The following WDPCP variants were observed in gnomAD, a reference collection of about 807,000 sequenced individuals.
WDPCP encodes the protein WD repeat containing planar cell polarity effector.
WDPCP carries 71 observed loss-of-function variants against 93.1 expected under a neutral mutation model. The ratio of observed to expected loss-of-function variants is 0.76; its 90% CI spans 0.63 to 0.93. The LOEUF (loss-of-function observed/expected upper bound fraction) is 0.93, where lower values mean the gene tolerates loss of function less well. Among genes scored for constraint, WDPCP ranks in the 40% least tolerant of loss-of-function variants. The probability of loss-of-function intolerance (pLI) is 0.00; values close to 1 mark genes in which losing one functional copy is unlikely to be tolerated. For synonymous variants in WDPCP, 315 were observed against 315.0 expected, an observed-to-expected ratio of 1.00 and a Z score of 0.00; for missense variants, 844 against 887.4, an observed-to-expected ratio of 0.95 and a Z score of 0.62.
chr2:63,563,658 T>C (rs1706802336), intron 1 of WDPCP, among the ~76,000 whole-genome samples: 1 of 152,046 alleles, frequency 6.6e-6, no homozygotes, highest in African/African-American at 2.4e-5. Flanking sequence ...TCCCTTAAGA[T>C]AGGTTCTTAG....
At chr2:63,271,168 A>T (rs1682604263) in intron 13 of WDPCP, among the ~76,000 whole-genome samples, 1 of 152,228 alleles carries the variant, frequency 6.6e-6, no homozygotes, top group Admixed American at 6.5e-5. Flanking sequence ...CCAGAACCAA[A>T]GTGTGTGCTC....
At chr2:63,705,052 T>C (rs1669127084) in intron 2 of WDPCP, among the ~76,000 whole-genome samples, 1 of 152,238 alleles carries the variant, frequency 6.6e-6, no homozygotes, top group Non-Finnish European at 1.5e-5. Context: ...GAGGAATTTA[T>C]CCATTTCTTC....
At chr2:63,801,743 CT>C (rs1307434724) in intron 2 of WDPCP, among the ~76,000 whole-genome samples, 1 of 152,166 alleles carries the variant, frequency 6.6e-6, no homozygotes, top group Non-Finnish European at 1.5e-5. Flanking sequence ...TACAATCCTC[CT>C]GCAAGACAGG....
intron 17 of WDPCP, among the ~76,000 whole-genome samples, chr2:63,122,965 A>G (rs1005808179): frequency 2.6e-5 from 4 of 152,038 alleles, no homozygotes; most frequent in African/African-American, 7.2e-5. Flanking sequence ...TCACATATCA[A>G]AGGAAACAGA....
chr2:63,136,119 G>A (rs1445361470), intron 17 of WDPCP, among the ~76,000 whole-genome samples: 1 of 152,064 alleles, frequency 6.6e-6, no homozygotes, highest in Non-Finnish European at 1.5e-5. Context: ...AGTACCAAAG[G>A]TTTAGTAAAC....
chr2:63,276,308 T>C (rs538582601), intron 13 of WDPCP, among the ~76,000 whole-genome samples: 1 of 152,218 alleles, frequency 6.6e-6, no homozygotes, highest in African/African-American at 2.4e-5. Flanking sequence ...GGTAATATGA[T>C]AAAACAAGGT....
chr2:63,566,869 AATTTG>A (rs1707103714), intron 1 of WDPCP, among the ~76,000 whole-genome samples: 1 of 152,198 alleles, frequency 6.6e-6, no homozygotes, highest in South Asian at 2.1e-4. Flanking sequence ...CAGGTTCTGT[AATTTG>A]CTAGAATGGC....
chr2:63,472,638 G>A (rs1699761372), intron 6 of WDPCP, among the ~76,000 whole-genome samples: 2 of 151,872 alleles, frequency 1.3e-5, no homozygotes, highest in South Asian at 4.2e-4. Context: ...TCCCAGGCTG[G>A]AGTACAGTAG....
chr2:63,342,031 G>A (rs1688878779), intron 12 of WDPCP, among the ~76,000 whole-genome samples: 1 of 152,114 alleles, frequency 6.6e-6, no homozygotes, highest in South Asian at 2.1e-4. Context: ...GGTGGGGAGG[G>A]GGTGATAGTT....
intron 2 of WDPCP, among the ~76,000 whole-genome samples, chr2:63,704,015 T>C (rs184552166): frequency 0.017 from 2,551 of 152,236 alleles, 21 homozygotes; most frequent in African/African-American, 0.018. Context: ...AGGTCCTTCA[T>C]GTCCCTTGTA....
chr2:63,743,088 A>G (rs1669747811), intron 2 of WDPCP, among the ~76,000 whole-genome samples: 1 of 151,968 alleles, frequency 6.6e-6, no homozygotes, highest in South Asian at 2.1e-4. Flanking sequence ...CAAGGCTTGG[A>G]GGGATTGATG....
intron 14 of WDPCP, among the ~76,000 whole-genome samples, chr2:63,196,708 A>G (rs1379672040): frequency 6.6e-6 from 1 of 152,218 alleles, no homozygotes; most frequent in African/African-American, 2.4e-5. Context: ...CATTGAGAAG[A>G]AAGGATATCT....
intron 1 of WDPCP, among the ~76,000 whole-genome samples, chr2:63,528,717 C>T (rs564547135): frequency 8.5e-5 from 13 of 152,146 alleles, no homozygotes; most frequent in East Asian, 5.8e-4. Flanking sequence ...TGGTTACATA[C>T]GAACTTTAAA....
chr2:63,581,938 G>A (rs752974392), intron 1 of WDPCP, among the ~76,000 whole-genome samples: 1 of 151,550 alleles, frequency 6.6e-6, no homozygotes, highest in Non-Finnish European at 1.5e-5. Flanking sequence ...AGCCTAGGAG[G>A]TTGAGGCTGC....
At chr2:63,605,059 G>C (rs934347116) in intron 3 of WDPCP, among the ~76,000 whole-genome samples, 22 of 152,190 alleles carry the variant, frequency 1.4e-4, no homozygotes, top group African/African-American at 5.1e-4. Context: ...TTTATACCAA[G>C]ATCCATGTCT....
chr2:63,675,025 G>C (rs1710388147), intron 2 of WDPCP, among the ~76,000 whole-genome samples: 1 of 152,150 alleles, frequency 6.6e-6, no homozygotes, highest in South Asian at 2.1e-4. Context: ...GTCTACATGA[G>C]AGTATAACTG....
chr2:63,718,462 A>T (rs1575756648), intron 2 of WDPCP, among the ~76,000 whole-genome samples: 1 of 152,176 alleles, frequency 6.6e-6, no homozygotes, highest in South Asian at 2.1e-4. Context: ...GACTGATGTA[A>T]GATGGTATCT....
chr2:63,382,170 AAG>A (rs1692370467), intron 10 of WDPCP, 76 bp from the exon 11 acceptor site: 2 of 1,465,240 alleles, frequency 1.4e-6, no homozygotes. Flanking sequence ...TTTTTCCATA[AAG>A]AAAAAAACCT....
intron 1 of WDPCP, among the ~76,000 whole-genome samples, chr2:63,500,172 G>A (rs1183473807): frequency 1.3e-5 from 2 of 152,148 alleles, no homozygotes; most frequent in Non-Finnish European, 2.9e-5. Flanking sequence ...AGCAAGTTTT[G>A]TTAATAAGTT....
Sources: gnomAD v4.1 joint callset for allele counts (sites outside exome capture counted in the v4.1 genomes callset) on GRCh38, gnomAD v4.1.1 for gene constraint, MANE v1.5 for transcripts, NCBI Gene and HGNC (gene_info 2026-07-23, HGNC 2026-07-21) for gene names.